The following RNF13 variants were observed in gnomAD, a reference collection of about 807,000 sequenced individuals.
The protein encoded by RNF13 is E3 ubiquitin-protein ligase RNF13.
Under a neutral mutation model 37.7 loss-of-function variants are expected in RNF13, and 19 were observed. The ratio of observed to expected loss-of-function variants is 0.50; its 90% CI spans 0.35 to 0.74. The LOEUF (loss-of-function observed/expected upper bound fraction) is 0.74, where lower values mean the gene tolerates loss of function less well. RNF13 is among the 30% of genes least tolerant of loss of function. RNF13 has a pLI of 0.01. For synonymous variants in RNF13, 144 were observed against 157.8 expected, an observed-to-expected ratio of 0.91 and a Z score of 0.65; for missense variants, 375 against 453.0, an observed-to-expected ratio of 0.83 and a Z score of 1.56.
chr3:149,834,829 C>T (rs1721428593), intron 1 of RNF13, among the ~76,000 whole-genome samples: 1 of 152,208 alleles, frequency 6.6e-6, no homozygotes, highest in South Asian at 2.1e-4. Flanking sequence ...AAATAAACCT[C>T]TTTTCTTTAT....
chr3:149,843,685 G>A (rs748029860), intron 1 of RNF13, among the ~76,000 whole-genome samples: 37 of 152,286 alleles, frequency 2.4e-4, no homozygotes, highest in Middle Eastern at 3.4e-3. Context: ...TTTACTCTTC[G>A]AACATCAACC....
intron 4 of RNF13, among the ~76,000 whole-genome samples, chr3:149,894,325 A>G (rs1346374247): frequency 3.3e-5 from 5 of 152,190 alleles, no homozygotes; most frequent in Non-Finnish European, 5.9e-5. Context: ...TTGAATATGT[A>G]GACCTCATTT....
chr3:149,882,946 G>A (rs1451090364), intron 4 of RNF13, among the ~76,000 whole-genome samples: 2 of 152,110 alleles, frequency 1.3e-5, no homozygotes, highest in Non-Finnish European at 1.5e-5. Flanking sequence ...TTAATCCATT[G>A]TTAGTAACTA....
At chr3:149,852,268 G>C (rs1015872525) in intron 2 of RNF13, among the ~76,000 whole-genome samples, 87 of 152,234 alleles carry the variant, frequency 5.7e-4, no homozygotes, top group African/African-American at 2.1e-3. Flanking sequence ...AAAACAGTAG[G>C]CTGAATTAGT....
intron 4 of RNF13, among the ~76,000 whole-genome samples, chr3:149,893,466 G>A (rs2108487929): frequency 6.6e-6 from 1 of 152,242 alleles, no homozygotes; most frequent in Admixed American, 6.5e-5. Context: ...TTTCTCCTCA[G>A]CTCCTTGGTT....
In RNF13 at chr3:149,846,073, A is replaced by G; in HGVS notation, c.47A>G (p.Tyr16Cys). 3 of 1,612,814 alleles carry G rather than the reference A, an allele frequency of 1.9e-6. No homozygotes were observed. Among genetic ancestry groups the G allele is most frequent in the South Asian group, 1.1e-5 (1 of 91,026 alleles). ...GMLMLSATQVYTILTVQLFAF... is the reference protein window; with the variant it reads ...GMLMLSATQVCTILTVQLFAF... ...CTCATGCTGTCAGCCACACAAGTCT[A>G]CACCATCTTGACTGTCCAGCTCTTT... Residue 16 changes from tyrosine to cysteine, a missense_variant, in exon 2 of 10, where the codon TAC becomes TGC. Coordinates refer to ENST00000392894, the MANE Select transcript of RNF13 (RefSeq NM_183381.3).
intron 4 of RNF13, among the ~76,000 whole-genome samples, chr3:149,875,520 T>C (rs1284523549): frequency 2.0e-5 from 3 of 152,150 alleles, no homozygotes; most frequent in Non-Finnish European, 4.4e-5. Flanking sequence ...CCATCCCAAG[T>C]GATTTGTGAC....
At chr3:149,844,299 G>C (rs78903720) in intron 1 of RNF13, among the ~76,000 whole-genome samples, 1 of 152,140 alleles carries the variant, frequency 6.6e-6, no homozygotes, top group Non-Finnish European at 1.5e-5. Context: ...AAGGCACATG[G>C]GGTAAAGTCC....
At chr3:149,874,227 T>C (rs1459511320) in intron 4 of RNF13, among the ~76,000 whole-genome samples, 2 of 152,224 alleles carry the variant, frequency 1.3e-5, no homozygotes, top group African/African-American at 4.8e-5. Flanking sequence ...TCCTTACTTA[T>C]GTCATTCCTA....
At chr3:149,860,101 T>C (rs1255391098) in intron 3 of RNF13, among the ~76,000 whole-genome samples, 1 of 151,196 alleles carries the variant, frequency 6.6e-6, no homozygotes, top group East Asian at 1.9e-4. Flanking sequence ...ACCCCATCTC[T>C]ACTAAAAATA....
intron 3 of RNF13, among the ~76,000 whole-genome samples, chr3:149,871,734 A>ACCT (rs1287037485): frequency 6.6e-6 from 1 of 152,076 alleles, no homozygotes; most frequent in Non-Finnish European, 1.5e-5. Flanking sequence ...AATGTCAAAT[A>ACCT]TTGTTCGAAA....
Position 149,856,409 on chromosome 3 carries a change from A to T in RNF13, c.195+3813A>T, listed in dbSNP as rs1251895522. On this transcript the variant is annotated intron_variant, in intron 3 of 9. Transcript: ENST00000392894. ...TTAAAAATATAACTAATTTAAAGAT[A>T]TAATATGGTTATTATGAGACTTAGC... Among the ~76,000 whole-genome samples the T allele has an allele frequency of 2.0e-5, 3 of 152,074 alleles. No homozygotes were observed. The East Asian group carries it at 5.8e-4, about 29-fold the overall frequency.
At chr3:149,949,213 A>G (rs1376539622) in intron 8 of RNF13, among the ~76,000 whole-genome samples, 2 of 152,130 alleles carry the variant, frequency 1.3e-5, no homozygotes, top group African/African-American at 4.8e-5. Flanking sequence ...AGAATTTCCT[A>G]TAGAATAAGT....
At chr3:149,871,415 A>G (rs1223461420) in intron 3 of RNF13, among the ~76,000 whole-genome samples, 7 of 148,890 alleles carry the variant, frequency 4.7e-5, no homozygotes, top group Admixed American at 2.0e-4. Flanking sequence ...TTTTAAATTC[A>G]TGGTTATCTC....
At chr3:149,946,428 C>T (rs1410651770) in intron 8 of RNF13, among the ~76,000 whole-genome samples, 1 of 152,152 alleles carries the variant, frequency 6.6e-6, no homozygotes, top group African/African-American at 2.4e-5. Flanking sequence ...GAGGACTTCT[C>T]CAGTGAATCT....
intron 1 of RNF13, among the ~76,000 whole-genome samples, chr3:149,830,168 TAA>T (rs2108335171): frequency 1.1e-5 from 1 of 88,124 alleles, no homozygotes; most frequent in East Asian, 2.9e-4. Context: ...GTACTGCTAT[TAA>T]GATACCAGAA....
At chr3:149,824,583 C>T (rs996022640) in intron 1 of RNF13, among the ~76,000 whole-genome samples, 2 of 151,296 alleles carry the variant, frequency 1.3e-5, no homozygotes, top group Admixed American at 1.3e-4. Context: ...TAAAAACATA[C>T]ATGAATAATA....
intron 8 of RNF13, among the ~76,000 whole-genome samples, chr3:149,953,192 T>C (rs554723719): frequency 6.6e-6 from 1 of 152,208 alleles, no homozygotes; most frequent in Non-Finnish European, 1.5e-5. Flanking sequence ...GGGTTTTAAC[T>C]TAAATGGATT....
At chr3:149,829,900 C>T (rs1419792427) in intron 1 of RNF13, among the ~76,000 whole-genome samples, 4 of 152,046 alleles carry the variant, frequency 2.6e-5, no homozygotes, top group Non-Finnish European at 4.4e-5. Flanking sequence ...GTGCTGTTCT[C>T]GTGATAGTGA....
Sources: allele counts gnomAD v4.1 joint callset (sites outside exome capture counted in the v4.1 genomes callset), GRCh38; gene constraint gnomAD v4.1.1; transcripts MANE v1.5; gene names NCBI Gene and HGNC (gene_info 2026-07-23, HGNC 2026-07-21).